HSPA1L: variants seen among roughly 807,000 people sequenced by gnomAD.
HSPA1L encodes heat shock 70 kDa protein 1-like.
Under a neutral mutation model 31.5 loss-of-function variants are expected in HSPA1L, and 21 were observed. The observed-to-expected ratio is 0.67, with a 90% confidence interval of 0.47 to 0.96. The LOEUF is 0.96. Among genes scored for constraint, HSPA1L ranks in the 40% least tolerant of loss-of-function variants. The pLI, the probability that HSPA1L is intolerant of heterozygous loss-of-function variation, is 0.00. For missense variants in HSPA1L, 709 were observed against 813.4 expected, an observed-to-expected ratio of 0.87 and a Z score of 1.56; for synonymous variants, 293 against 323.1, an observed-to-expected ratio of 0.91 and a Z score of 1.00.
chr6:31,811,600 C>T lies in HSPA1L; in HGVS notation c.373G>A (p.Val125Ile). 2.5e-6 allele frequency: 4 copies of T among 1,614,156 alleles called. No homozygotes were observed. Among genetic ancestry groups the T allele is most frequent in the Non-Finnish European group, 3.4e-6 (4 of 1,180,024 alleles). Reference sequence around the variant, plus strand: ...GCAGTCTCCTTCAACTTAGTCAATACCATCGAAGAGATTTCCTCAGGGTAG... The same window carrying T: ...GCAGTCTCCTTCAACTTAGTCAATATCATCGAAGAGATTTCCTCAGGGTAG... Reference protein sequence around the residue: ...AFYPEEISSMVLTKLKETAEA... With the variant: ...AFYPEEISSMILTKLKETAEA... Residue 125 changes from valine to isoleucine, a missense_variant, in exon 2 of 2, where the codon GTA becomes ATA. Transcript: ENST00000375654.
chr6:31,810,601 G>A lies in HSPA1L; in HGVS notation c.1372C>T (p.Leu458=). The stretch of plus-strand genomic sequence containing the variant: ...ATTCCAGTCAGGTCAAACCGCCCCA[G>A]CAGGTTGTTGTCCTTTGTCATGGCC... ...ERAMTKDNNL[L]GRFDLTGIPP... The change falls in exon 2 of 2, where the codon CTG becomes TTG. Residue 458 remains leucine, a synonymous_variant. Coordinates refer to ENST00000375654, the MANE Select transcript of HSPA1L (RefSeq NM_005527.4). 6.2e-7 allele frequency: 1 copy of A among 1,614,116 alleles called. No homozygotes were observed. The highest frequency in any genetic ancestry group is 8.5e-7 in the Non-Finnish European group (1 of 1,180,002).
Position 31,811,813 on chromosome 6 carries a change from C to G in HSPA1L, c.160G>C (p.Gly54Arg), listed in dbSNP as rs1179879737. The G allele has an allele frequency of 6.2e-7, 1 of 1,614,160 alleles. No individual in the cohort carries two copies. Among genetic ancestry groups the G allele is most frequent in the Non-Finnish European group, 8.5e-7 (1 of 1,180,030 alleles). The change falls in exon 2 of 2, where the codon GGG becomes CGG. Residue 54 changes from glycine (G) to arginine (R), a missense_variant. Coordinates refer to ENST00000375654, the MANE Select transcript of HSPA1L (RefSeq NM_005527.4). ...GCTACCTGGTTCTTGGCCGCATCCC[C>G]AATGAGCCGCTCGGTGTCTGTGAAG... ...VAFTDTERLI[G>R]DAAKNQVAMN...
intron 1 of HSPA1L, among the ~76,000 whole-genome samples, chr6:31,813,513 C>A (rs1330553649): frequency 2.0e-5 from 3 of 152,088 alleles, no homozygotes; most frequent in Non-Finnish European, 4.4e-5. Flanking sequence ...CCATGTTGAC[C>A]AGGATGGTCT....
rs775568758 is a variant in HSPA1L at position 31,811,250 on chromosome 6, G to A, written c.723C>T (p.Ser241=). The change falls in exon 2 of 2, where the codon AGC becomes AGT. Residue 241 remains serine (S), a synonymous_variant. Coordinates refer to ENST00000375654, the MANE Select transcript of HSPA1L (RefSeq NM_005527.4). ...TCCTCTTGAACTCCTCCACGAAGTG[G>A]CTCACAAGCCTGTTGTCAAAGTCCT... ...GGEDFDNRLV[S]HFVEEFKRKH... is the part of the protein sequence containing the mutation. The A allele has an allele frequency of 6.2e-7, 1 of 1,614,100 alleles. No homozygotes were observed. Among genetic ancestry groups the A allele is most frequent in the Non-Finnish European group, 8.5e-7 (1 of 1,180,032 alleles).
chr6:31,812,069 C>T (rs1562343623), intron 1 of HSPA1L, 84 bp from the exon 2 acceptor site: 2 of 1,480,038 alleles, frequency 1.4e-6, no homozygotes. Flanking sequence ...TCCTCTGTCA[C>T]CCAGGTTGGA....
rs34581993 is a variant in HSPA1L at position 31,811,436 on chromosome 6, C to T, written c.537G>A (p.Thr179=). Residue 179 remains threonine (T), a synonymous_variant, in exon 2 of 2, where the codon ACG becomes ACA. Coordinates refer to ENST00000375654, the MANE Select transcript of HSPA1L (RefSeq NM_005527.4). Reference sequence around the variant, plus strand: ...CTAAACCATAGGCAATGGCAGCAGCCGTGGGCTCATTGATGATTCTTAGCA... The same window carrying T: ...CTAAACCATAGGCAATGGCAGCAGCTGTGGGCTCATTGATGATTCTTAGCA... ...LNVLRIINEP[T]AAAIAYGLDK... is the part of the protein sequence containing the mutation. 58 of 1,614,174 alleles carry T rather than the reference C, an allele frequency of 3.6e-5. No homozygotes were observed. The East Asian group carries it at 4.0e-4, about 11-fold the overall frequency.
At position 31,810,045 on chromosome 6, in the gene HSPA1L, A is replaced by T. The variant is rs1336604203; in HGVS notation, c.*2T>A. The T allele has an allele frequency of 7.1e-7, 1 of 1,417,858 alleles. No individual in the cohort carries two copies. Among genetic ancestry groups the T allele is most frequent in the Non-Finnish European group, 9.2e-7 (1 of 1,084,848 alleles). 87.8% of individuals were successfully genotyped at this position (1,417,858 alleles called of 1,614,324 possible). On this transcript the variant is annotated 3_prime_UTR_variant, in exon 2 of 2. Coordinates refer to ENST00000375654, the MANE Select transcript of HSPA1L (RefSeq NM_005527.4). ...CCTAGGATGCTTCAGTTCTAAAAAG[A>T]ATTAATCTACTTCTTCAATTGTGGG... is the stretch of plus-strand genomic sequence containing the variant.
At position 31,811,099 on chromosome 6, in the gene HSPA1L, C is replaced by T. The variant is rs989377237; in HGVS notation, c.874G>A (p.Gly292Ser). Reference protein sequence around the residue: ...ANLEIDSLYEGIDFYTSITRA... With the variant: ...ANLEIDSLYESIDFYTSITRA... ...GTGATGGATGTATAGAAGTCAATGC[C>T]TTCATAAAGTGAATCAATTTCTAGG... The change falls in exon 2 of 2, where the codon GGC (glycine) becomes AGC (serine). Residue 292 changes from glycine to serine, a missense_variant. Transcript: ENST00000375654. The T allele has an allele frequency of 6.2e-7, 1 of 1,614,216 alleles. No individual in the cohort carries two copies. The highest frequency in any genetic ancestry group is 1.3e-5 in the African/African-American group (1 of 75,058).
rs1387186082 is a variant in HSPA1L, at chr6:31,810,078, G to A, written c.1895C>T (p.Ala632Val). 7.0e-7 allele frequency: 1 copy of A among 1,431,120 alleles called. No homozygotes were observed. Among genetic ancestry groups the A allele is most frequent in the Non-Finnish European group, 9.2e-7 (1 of 1,091,880 alleles). The allele number at this position is 1,431,120 out of a possible 1,614,324, so 88.7% of individuals were successfully genotyped here. ...CGTGYVPGRP[A>V]TGPTIEEVD is the part of the protein sequence containing the mutation. The stretch of plus-strand genomic sequence containing the variant: ...TACTTCTTCAATTGTGGGGCCTGTG[G>A]CAGGCCTTCCAGGCACATACCCTGT... The change falls in exon 2 of 2, where the codon GCC becomes GTC. Residue 632 changes from alanine (A) to valine (V), a missense_variant. Ala to Val is a moderately conservative substitution (Grantham distance 64). Transcript: ENST00000375654.
rs1562339863 is a variant in HSPA1L, at chr6:31,810,450, T to A, written c.1523A>T (p.Asp508Val). Residue 508 changes from aspartate to valine, a missense_variant, in exon 2 of 2, where the codon GAC becomes GTC. By Grantham distance (152) the Asp-to-Val change is radical. Transcript: ENST00000375654. Reference protein sequence around the residue: ...GKVNKITITNDKGRLSKEEIE... With the variant: ...GKVNKITITNVKGRLSKEEIE... ...CTCCTCCTTGCTCAGGCGGCCCTTG[T>A]CATTGGTGATGGTGATCTTGTTCAC... The A allele has an allele frequency of 6.2e-7, 1 of 1,614,000 alleles. No homozygotes were observed. Among genetic ancestry groups the A allele is most frequent in the East Asian group, 2.2e-5 (1 of 44,888 alleles).
intron 1 of HSPA1L, among the ~76,000 whole-genome samples, chr6:31,813,986 T>C (rs1815634621): frequency 6.6e-6 from 1 of 152,216 alleles, no homozygotes; most frequent in African/African-American, 2.4e-5. Context: ...TAAATTCCAG[T>C]CAGGCTGAAG....
In HSPA1L at chr6:31,811,583, C is replaced by T; in HGVS notation, c.390G>A (p.Lys130=). Residue 130 remains lysine (K), a synonymous_variant, in exon 2 of 2, where the codon AAG becomes AAA. Transcript: ENST00000375654. ...EISSMVLTKL[K]ETAEAFLGHP... is the part of the protein sequence containing the mutation. Reference sequence around the variant, plus strand: ...GGCCCAAAAAGGCCTCAGCAGTCTCCTTCAACTTAGTCAATACCATCGAAG... The same window carrying T: ...GGCCCAAAAAGGCCTCAGCAGTCTCTTTCAACTTAGTCAATACCATCGAAG... The T allele has an allele frequency of 6.2e-7, 1 of 1,614,160 alleles. No individual in the cohort carries two copies. The highest frequency in any genetic ancestry group is 2.2e-5 in the East Asian group (1 of 44,890).
At chr6:31,813,063 T>A (rs958029006) in intron 1 of HSPA1L, among the ~76,000 whole-genome samples, 2 of 152,106 alleles carry the variant, frequency 1.3e-5, no homozygotes, top group African/African-American at 4.8e-5. Flanking sequence ...CAAGGAAACC[T>A]CCTCCCACCT....
chr6:31,810,207 G>A lies in HSPA1L; in HGVS notation c.1766C>T (p.Ala589Val). The change falls in exon 2 of 2, where the codon GCA (alanine) becomes GTA (valine). Residue 589 changes from alanine (A) to valine (V), a missense_variant. Coordinates refer to ENST00000375654, the MANE Select transcript of HSPA1L (RefSeq NM_005527.4). ...CTTATGATCAAACTCATCTTTCTCT[G>A]CCAGTTGATTGACCTCCAGCCACGA... ...LLSWLEVNQL[A>V]EKDEFDHKRK... 1 of 1,525,332 alleles carries A rather than the reference G, an allele frequency of 6.6e-7. No individual in the cohort carries two copies. The highest frequency in any genetic ancestry group is 8.8e-7 in the Non-Finnish European group (1 of 1,140,954). 94.5% of individuals were successfully genotyped at this position (1,525,332 alleles called of 1,614,324 possible). A position where few individuals can be genotyped will look rare whatever the true frequency, so the allele number is the denominator to read the frequency against.
chr6:31,811,821 C>T lies in HSPA1L; in HGVS notation c.152G>A (p.Arg51Gln), dbSNP rs903617843. The change falls in exon 2 of 2, where the codon CGG becomes CAG. Residue 51 changes from arginine to glutamine, a missense_variant. Physicochemically the swap from Arg to Gln is conservative, Grantham distance 43 (BLOSUM62 1). Transcript: ENST00000375654. Reference protein sequence around the residue: ...PSYVAFTDTERLIGDAAKNQV... With the variant: ...PSYVAFTDTEQLIGDAAKNQV... ...GTTCTTGGCCGCATCCCCAATGAGC[C>T]GCTCGGTGTCTGTGAAGGCCACGTA... is the stretch of plus-strand genomic sequence containing the variant. 1.1e-5 allele frequency: 17 copies of T among 1,614,142 alleles called. No homozygotes were observed. Among genetic ancestry groups the T allele is most frequent in the Non-Finnish European group, 1.4e-5 (16 of 1,180,030 alleles).
At chr6:31,812,299 T>C (rs1016170226) in intron 1 of HSPA1L, among the ~76,000 whole-genome samples, 5 of 151,948 alleles carry the variant, frequency 3.3e-5, no homozygotes, top group African/African-American at 1.2e-4. Flanking sequence ...CCCGAGTGGC[T>C]GGGATTATGA....
Position 31,810,285 on chromosome 6 carries a change from T to C in HSPA1L, c.1688A>G (p.Lys563Arg), listed in dbSNP as rs765019123. The part of the protein sequence containing the change: ...SVVSDEGLKG[K>R]ISESDKNKIL... The stretch of plus-strand genomic sequence containing the variant: ...TTTATTTTTATCAGACTCACTAATC[T>C]TGCCCTTCAAACCTTCATCACTCAC... The change falls in exon 2 of 2, where the codon AAG becomes AGG. Residue 563 changes from lysine to arginine, a missense_variant. By Grantham distance (26) the Lys-to-Arg change is conservative (BLOSUM62 2). Coordinates refer to ENST00000375654, the MANE Select transcript of HSPA1L (RefSeq NM_005527.4). The C allele has an allele frequency of 9.7e-6, 15 of 1,546,212 alleles. No individual in the cohort carries two copies. Among genetic ancestry groups the C allele is most frequent in the Non-Finnish European group, 1.3e-5 (15 of 1,149,726 alleles).
intron 1 of HSPA1L, among the ~76,000 whole-genome samples, chr6:31,814,424 G>T (rs1448812918): frequency 6.6e-6 from 1 of 151,496 alleles, no homozygotes; most frequent in Non-Finnish European, 1.5e-5. Flanking sequence ...CAGGAGAATG[G>T]CCTGAACTCG....
In HSPA1L at chr6:31,811,312, C is replaced by T. The variant is rs150472288; in HGVS notation, c.661G>A (p.Val221Ile). The T allele has an allele frequency of 3.5e-4, 557 of 1,614,164 alleles. 5 individuals carry two copies. The highest frequency in any genetic ancestry group is 1.2e-4 in the Non-Finnish European group (139 of 1,180,038). The change falls in exon 2 of 2, where the codon GTA becomes ATA. Residue 221 changes from valine (V) to isoleucine (I), a missense_variant. Coordinates refer to ENST00000375654, the MANE Select transcript of HSPA1L (RefSeq NM_005527.4). Reference sequence around the variant, plus strand: ...TGAGTGTCCCCAGCAGTGGCCTTTACCTCAAAAATCCCATCATCTATGGTC... The same window carrying T: ...TGAGTGTCCCCAGCAGTGGCCTTTATCTCAAAAATCCCATCATCTATGGTC... ...ILTIDDGIFEVKATAGDTHLG... is the reference protein window; with the variant it reads ...ILTIDDGIFEIKATAGDTHLG...
Sources: allele counts gnomAD v4.1 joint callset (sites outside exome capture counted in the v4.1 genomes callset), GRCh38; gene constraint gnomAD v4.1.1; transcripts MANE v1.5; gene names NCBI Gene and HGNC (gene_info 2026-07-23, HGNC 2026-07-21).